Variants in COL24A1 observed in about 807,000 individuals in gnomAD.
COL24A1 encodes the protein collagen type XXIV alpha 1 chain.
A neutral mutation model predicts 253.9 loss-of-function variants in COL24A1; 224 were observed. The observed-to-expected ratio is 0.88, with a 90% CI of 0.79 to 0.99. COL24A1 has a LOEUF of 0.99. Among genes scored for constraint, COL24A1 ranks in the 50% least tolerant of loss-of-function variants. COL24A1 has a pLI of 0.00. For synonymous variants in COL24A1, 685 were observed against 673.7 expected, an observed-to-expected ratio of 1.02 and a Z score of -0.26; for missense variants, 2,131 against 2,068.5, an observed-to-expected ratio of 1.03 and a Z score of -0.59.
chr1:86,010,212 A>G (rs992721942), intron 19 of COL24A1, among the ~76,000 whole-genome samples: 2 of 123,626 alleles, frequency 1.6e-5, no homozygotes, highest in Non-Finnish European at 3.7e-5. Flanking sequence ...AGACTGACAA[A>G]TTTGGCTATG....
chr1:85,822,409 C>G (rs957180543), intron 45 of COL24A1, among the ~76,000 whole-genome samples: 1 of 152,060 alleles, frequency 6.6e-6, no homozygotes, highest in African/African-American at 2.4e-5. Flanking sequence ...AATTTGAAAT[C>G]AATAGCATGT....
At chr1:86,012,425 T>C (rs1696587116) in intron 19 of COL24A1, among the ~76,000 whole-genome samples, 1 of 151,896 alleles carries the variant, frequency 6.6e-6, no homozygotes, top group Non-Finnish European at 1.5e-5. Context: ...CCATCTCAAC[T>C]AAAAATACAA....
intron 35 of COL24A1, among the ~76,000 whole-genome samples, chr1:85,871,543 T>C (rs1280779992): frequency 5.3e-5 from 8 of 152,208 alleles, no homozygotes; most frequent in African/African-American, 1.7e-4. Context: ...TGGTTCAACA[T>C]ATGCGAATCA....
rs191587249 is a variant in COL24A1 at position 85,910,430 on chromosome 1, C to T, written c.2617-427G>A. ...AAGAAAATTTTATTTTATAGTCTGCCTACCACAATTAAGTGCCATAAGAAA... is the reference window on the plus strand; with the variant it reads ...AAGAAAATTTTATTTTATAGTCTGCTTACCACAATTAAGTGCCATAAGAAA... On this transcript the variant is annotated intron_variant, in intron 25 of 59. Transcript: ENST00000370571. 1.2e-3 allele frequency among the ~76,000 whole-genome samples: 183 copies of T among 151,858 alleles called. 1 individual carries two copies. The highest frequency in any genetic ancestry group is 4.2e-3 in the African/African-American group (173 of 41,500).
At position 85,868,537 on chromosome 1, in the gene COL24A1, T is replaced by A. The variant is rs1260606841; in HGVS notation, c.3282A>T (p.Ser1094=). Residue 1094 remains serine, a synonymous_variant, in exon 37 of 60, where the codon TCA becomes TCT. Coordinates refer to ENST00000370571, the MANE Select transcript of COL24A1 (RefSeq NM_152890.7). Reference sequence around the variant, plus strand: ...TACTTACCGGAAGGCCTGTTTGGCCTGATCTACCCAAGGGTCCTATAATTC... The same window carrying A: ...TACTTACCGGAAGGCCTGTTTGGCCAGATCTACCCAAGGGTCCTATAATTC... ...LPGIIGPLGR[S]GQTGLPGPEG... 6.2e-7 allele frequency: 1 copy of A among 1,613,720 alleles called. No homozygotes were observed. The highest frequency in any genetic ancestry group is 8.5e-7 in the Non-Finnish European group (1 of 1,179,716).
At chr1:85,783,420 T>A (rs1669338064) in intron 51 of COL24A1, 76 bp downstream of exon 51, 1 of 1,183,226 alleles carries the variant, frequency 8.5e-7, no homozygotes, top group Admixed American at 2.0e-5. Context: ...TTGAAGTACA[T>A]TACATTTAGA....
At chr1:85,877,062 C>T (rs943667403) in intron 33 of COL24A1, 60 bp downstream of exon 33, 1 of 1,184,300 alleles carries the variant, frequency 8.4e-7, no homozygotes, top group Non-Finnish European at 1.2e-6. Context: ...ATTAATTTTA[C>T]CTTAGAGTCT....
intron 55 of COL24A1, among the ~76,000 whole-genome samples, chr1:85,748,150 C>A (rs1665475476): frequency 6.6e-6 from 1 of 152,158 alleles, no homozygotes; most frequent in Admixed American, 6.5e-5. Context: ...TTCTCACTGG[C>A]ATCAAATTCT....
intron 37 of COL24A1, among the ~76,000 whole-genome samples, chr1:85,857,923 GCT>G (rs1187964218): frequency 1.3e-5 from 2 of 152,136 alleles, no homozygotes; most frequent in Non-Finnish European, 2.9e-5. Context: ...CAAATTTGTT[GCT>G]CTGTTACACA....
chr1:86,113,894 T>G (rs6678131), intron 4 of COL24A1, among the ~76,000 whole-genome samples: 24,535 of 147,860 alleles, frequency 0.17, 2,216 homozygotes, highest in South Asian at 0.25. Flanking sequence ...TGTTATGACT[T>G]ATGTCATTGG....
At chr1:85,903,792 G>A (rs1047831290) in intron 28 of COL24A1, among the ~76,000 whole-genome samples, 4 of 152,222 alleles carry the variant, frequency 2.6e-5, no homozygotes, top group African/African-American at 9.6e-5. Context: ...CATTACTCAT[G>A]TGCCTAACTA....
chr1:86,101,172 A>G (rs957810037), intron 5 of COL24A1, among the ~76,000 whole-genome samples: 1 of 152,112 alleles, frequency 6.6e-6, no homozygotes, highest in Non-Finnish European at 1.5e-5. Flanking sequence ...GAATTGTTGC[A>G]TATCCAACTG....
chr1:86,097,491 C>CTCCTCCTCCTCCT (rs1704020119), intron 5 of COL24A1, among the ~76,000 whole-genome samples: 1 of 42,348 alleles, frequency 2.4e-5, no homozygotes, highest in East Asian at 7.8e-4. Flanking sequence ...CTCCTCCTCC[C>CTCCTCCTCCTCCT]TCCTCCTCCC....
At chr1:86,018,126 AT>A (rs1010584292) in intron 18 of COL24A1, among the ~76,000 whole-genome samples, 2 of 152,200 alleles carry the variant, frequency 1.3e-5, no homozygotes, top group Non-Finnish European at 2.9e-5. Flanking sequence ...TGCATTCATT[AT>A]TTCTGTCATA....
At chr1:85,950,058 G>T (rs998176098) in intron 24 of COL24A1, among the ~76,000 whole-genome samples, 1 of 151,988 alleles carries the variant, frequency 6.6e-6, no homozygotes, top group African/African-American at 2.4e-5. Flanking sequence ...ATTATTCAAG[G>T]TCCTGCTCAA....
intron 24 of COL24A1, among the ~76,000 whole-genome samples, chr1:85,950,790 T>C (rs967415740): frequency 2.0e-5 from 3 of 152,216 alleles, no homozygotes; most frequent in African/African-American, 7.2e-5. Context: ...ATACAGAGGA[T>C]ACTTGATGTG....
At chr1:86,132,054 A>G (rs1284769312) in intron 2 of COL24A1, among the ~76,000 whole-genome samples, 1 of 152,184 alleles carries the variant, frequency 6.6e-6, no homozygotes, top group Non-Finnish European at 1.5e-5. Flanking sequence ...AATGATCACC[A>G]TTCTAACTGG....
chr1:85,844,023 A>G (rs1331282935), intron 39 of COL24A1, among the ~76,000 whole-genome samples: 1 of 152,138 alleles, frequency 6.6e-6, no homozygotes, highest in Non-Finnish European at 1.5e-5. Flanking sequence ...AAGAAAAAAA[A>G]CAGTAAGAAA....
At chr1:86,082,069 A>G (rs967534735) in intron 7 of COL24A1, among the ~76,000 whole-genome samples, 1 of 151,858 alleles carries the variant, frequency 6.6e-6, no homozygotes, top group African/African-American at 2.4e-5. Context: ...AATCACCCCC[A>G]CTCTCTATCA....
Sources: allele counts gnomAD v4.1 joint callset (sites outside exome capture counted in the v4.1 genomes callset), GRCh38; gene constraint gnomAD v4.1.1; transcripts MANE v1.5; gene names NCBI Gene and HGNC (gene_info 2026-07-23, HGNC 2026-07-21).